Variants in PRKCA observed in about 807,000 individuals in gnomAD.
PRKCA encodes the protein protein kinase C alpha type.
In PRKCA, 27 loss-of-function variants were observed where a neutral mutation model predicts 87.0. That is an observed-to-expected ratio of 0.31 (90% CI 0.23 to 0.43). PRKCA has a LOEUF of 0.43. Among genes scored for constraint, PRKCA ranks in the 20% least tolerant of loss-of-function variants. The probability of loss-of-function intolerance (pLI) is 1.00; values close to 1 mark genes in which losing one functional copy is unlikely to be tolerated. For synonymous variants in PRKCA, 329 were observed against 311.1 expected (o/e 1.06, Z -0.61); for missense variants, 518 against 852.3 (o/e 0.61, Z 4.88).
At chr17:66,665,598 G>T (rs1015345244) in intron 5 of PRKCA, among the ~76,000 whole-genome samples, 1 of 152,096 alleles carries the variant, frequency 6.6e-6, no homozygotes, top group African/African-American at 2.4e-5. Context: ...TGTGCTGCTG[G>T]TCTACCTGGA....
At chr17:66,713,153 G>T (rs1973378896) in intron 8 of PRKCA, among the ~76,000 whole-genome samples, 1 of 147,370 alleles carries the variant, frequency 6.8e-6, no homozygotes, top group South Asian at 2.2e-4. Flanking sequence ...CCGGGTTCAA[G>T]CAATTCTCCT....
intron 2 of PRKCA, among the ~76,000 whole-genome samples, chr17:66,362,771 T>C (rs1908469095): frequency 6.6e-6 from 1 of 152,038 alleles, no homozygotes; most frequent in Admixed American, 6.6e-5. Context: ...CTTGGCTCAC[T>C]GCGACCTCTG....
At chr17:66,675,422 C>T (rs1169577863) in intron 5 of PRKCA, among the ~76,000 whole-genome samples, 2 of 152,178 alleles carry the variant, frequency 1.3e-5, no homozygotes, top group African/African-American at 2.4e-5. Flanking sequence ...CAGCACAGAG[C>T]TCTTCCCATC....
intron 3 of PRKCA, among the ~76,000 whole-genome samples, chr17:66,585,844 A>G (rs979253171): frequency 6.6e-6 from 1 of 152,240 alleles, no homozygotes; most frequent in Non-Finnish European, 1.5e-5. Context: ...ATGTGGGAGA[A>G]TATGGGAAAG....
intron 2 of PRKCA, among the ~76,000 whole-genome samples, chr17:66,427,384 T>G (rs142450024): frequency 3.8e-4 from 58 of 152,394 alleles, no homozygotes; most frequent in Middle Eastern, 6.8e-3. Context: ...TGTCATATTG[T>G]CTGTGGCTGC....
At chr17:66,430,221 TC>T (rs1195347117) in intron 2 of PRKCA, among the ~76,000 whole-genome samples, 2 of 151,974 alleles carry the variant, frequency 1.3e-5, no homozygotes, top group Non-Finnish European at 2.9e-5. Context: ...CTCCCGCCTT[TC>T]CCCATTTCAA....
chr17:66,450,726 A>G (rs1237354012), intron 2 of PRKCA, among the ~76,000 whole-genome samples: 1 of 152,164 alleles, frequency 6.6e-6, no homozygotes, highest in African/African-American at 2.4e-5. Flanking sequence ...ACAGAAGGTA[A>G]TTACCGCAAA....
intron 1 of PRKCA, 30 bp downstream of exon 1, chr17:66,303,054 G>A (rs766545948): frequency 6.3e-7 from 1 of 1,583,156 alleles, no homozygotes; most frequent in South Asian, 1.1e-5. Flanking sequence ...CTCCTGCCCC[G>A]CTCCTCCCCG....
chr17:66,400,119 A>G (rs977795078), intron 2 of PRKCA, among the ~76,000 whole-genome samples: 9 of 152,144 alleles, frequency 5.9e-5, no homozygotes, highest in African/African-American at 2.2e-4. Context: ...ACTTGTACAC[A>G]TACGGTTTGG....
At chr17:66,640,569 A>T (rs961986194) in intron 3 of PRKCA, among the ~76,000 whole-genome samples, 1 of 151,688 alleles carries the variant, frequency 6.6e-6, no homozygotes, top group Non-Finnish European at 1.5e-5. Flanking sequence ...GTCAGTTTGG[A>T]TGTAGATCTG....
chr17:66,390,017 A>C (rs939475480), intron 2 of PRKCA, among the ~76,000 whole-genome samples: 5 of 152,220 alleles, frequency 3.3e-5, no homozygotes, highest in Non-Finnish European at 7.3e-5. Flanking sequence ...TGAGGTTGGG[A>C]GTTCCAGACC....
chr17:66,555,100 ACT>A (rs2143253003), intron 3 of PRKCA, among the ~76,000 whole-genome samples: 1 of 151,446 alleles, frequency 6.6e-6, no homozygotes, highest in East Asian at 1.9e-4. Context: ...CTCGTCTCGA[ACT>A]CCTGAGCTCA....
chr17:66,628,013 G>A (rs1005873594), intron 3 of PRKCA, among the ~76,000 whole-genome samples: 13 of 152,116 alleles, frequency 8.5e-5, no homozygotes, highest in African/African-American at 3.1e-4. Flanking sequence ...ACTCATGCAC[G>A]GCCAAATGCC....
chr17:66,748,207 C>G (rs1974343076), intron 13 of PRKCA, among the ~76,000 whole-genome samples: 1 of 152,346 alleles, frequency 6.6e-6, no homozygotes, highest in African/African-American at 2.4e-5. Flanking sequence ...AAGAGCCATT[C>G]TGGGGTCACA....
chr17:66,774,320 G>A (rs557299635), intron 14 of PRKCA: 117 of 1,322,724 alleles, frequency 8.8e-5, no homozygotes, highest in South Asian at 4.0e-4. Flanking sequence ...TCAGTTTCAC[G>A]TTATGAAATG....
At chr17:66,355,026 C>G (rs540530343) in intron 2 of PRKCA, among the ~76,000 whole-genome samples, 1 of 151,992 alleles carries the variant, frequency 6.6e-6, no homozygotes, top group Non-Finnish European at 1.5e-5. Flanking sequence ...CTCGAGGGGG[C>G]GAAAACAGAG....
At chr17:66,589,386 C>T (rs937846132) in intron 3 of PRKCA, among the ~76,000 whole-genome samples, 13 of 152,130 alleles carry the variant, frequency 8.5e-5, no homozygotes, top group African/African-American at 2.9e-4. Flanking sequence ...TTACACAATA[C>T]GTGTCTCAGA....
intron 2 of PRKCA, among the ~76,000 whole-genome samples, chr17:66,425,399 T>G (rs1598661487): frequency 6.6e-6 from 1 of 152,188 alleles, no homozygotes; most frequent in South Asian, 2.1e-4. Flanking sequence ...TTTTCTGTCC[T>G]GCCCACCCAG....
Position 66,626,528 on chromosome 17 carries a change from AT to A in PRKCA, c.289-14812del, listed in dbSNP as rs71160584. ...AGGCACCCACCACCAAGCCCGGCTAATTTTTTTTTTTTTTTGTATTTTTAGT... is the reference window on the plus strand; with the variant it reads ...AGGCACCCACCACCAAGCCCGGCTAATTTTTTTTTTTTTTGTATTTTTAGT... On this transcript the variant is annotated intron_variant, in intron 3 of 16. Transcript: ENST00000413366. 6.5e-3 allele frequency among the ~76,000 whole-genome samples: 927 copies of A among 142,848 alleles called. 3 individuals carry two copies. Among genetic ancestry groups the A allele is most frequent in the Non-Finnish European group, 9.6e-3 (632 of 65,612 alleles). The allele number at this position is 142,848 out of a possible 152,430, so 93.7% of individuals were successfully genotyped here. A position where few individuals can be genotyped will look rare whatever the true frequency, so the allele number is the denominator to read the frequency against.
Sources: gnomAD v4.1 joint callset for allele counts (sites outside exome capture counted in the v4.1 genomes callset) on GRCh38, gnomAD v4.1.1 for gene constraint, MANE v1.5 for transcripts, NCBI Gene and HGNC (gene_info 2026-07-23, HGNC 2026-07-21) for gene names.